PRKAG2: variants seen among roughly 807,000 people sequenced by gnomAD.
PRKAG2 encodes the protein protein kinase AMP-activated non-catalytic subunit gamma 2, also known as 5'-AMP-activated protein kinase subunit gamma-2.
Under a neutral mutation model 69.6 loss-of-function variants are expected in PRKAG2, and 26 were observed. The ratio of observed to expected loss-of-function variants is 0.37; its 90% CI spans 0.27 to 0.52. PRKAG2 has a LOEUF of 0.52. Among genes scored for constraint, PRKAG2 ranks in the 20% least tolerant of loss-of-function variants. The probability of loss-of-function intolerance (pLI) is 0.90; values close to 1 mark genes in which losing one functional copy is unlikely to be tolerated. For missense variants in PRKAG2, 557 were observed against 740.0 expected (o/e 0.75, Z 2.87); for synonymous variants, 293 against 285.0 (o/e 1.03, Z -0.28).
At chr7:151,601,221 G>T (rs1815999035) in intron 5 of PRKAG2, among the ~76,000 whole-genome samples, 1 of 152,188 alleles carries the variant, frequency 6.6e-6, no homozygotes, top group Non-Finnish European at 1.5e-5. Flanking sequence ...ACACAGGTGG[G>T]TCACCAACCC....
At chr7:151,871,055 G>T (rs2080209572) in intron 1 of PRKAG2, among the ~76,000 whole-genome samples, 1 of 152,158 alleles carries the variant, frequency 6.6e-6, no homozygotes. Flanking sequence ...CCATCTCTCT[G>T]ACGTCTTCCC....
In PRKAG2 at chr7:151,789,525, A is replaced by G. The variant is rs181095932; in HGVS notation, c.115-2984T>C. Reference sequence around the variant, plus strand: ...GCTCCAAGTCTCTGCTTAAAGAGCAACCCCTGAAAGGGTGAGCCTCATCAC... The same window carrying G: ...GCTCCAAGTCTCTGCTTAAAGAGCAGCCCCTGAAAGGGTGAGCCTCATCAC... On this transcript the variant is annotated intron_variant, in intron 1 of 15. Transcript: ENST00000287878. Among the ~76,000 whole-genome samples, 16 of 152,102 alleles carry G rather than the reference A, an allele frequency of 1.1e-4. No homozygotes were observed. The East Asian group carries it at 3.1e-3, about 29-fold the overall frequency.
At chr7:151,782,632 C>A (rs1047498744) in intron 2 of PRKAG2, among the ~76,000 whole-genome samples, 1 of 152,196 alleles carries the variant, frequency 6.6e-6, no homozygotes, top group Non-Finnish European at 1.5e-5. Context: ...TCCTGCCCTG[C>A]CTCTGGGTGC....
At chr7:151,642,351 AAAC>A (rs1185675065) in intron 4 of PRKAG2, among the ~76,000 whole-genome samples, 1 of 152,000 alleles carries the variant, frequency 6.6e-6, no homozygotes, top group Non-Finnish European at 1.5e-5. Context: ...TCAAACAAAC[AAAC>A]AACAAACAAA....
Position 151,560,664 on chromosome 7 carries a change from G to A in PRKAG2, c.1585-47C>T. ...ACGTGAAAATTAACATTTAAAAAAG[G>A]TTTAAAATGGACATGAGAAATAATG... is the stretch of plus-strand genomic sequence containing the variant. On this transcript the variant is annotated intron_variant, in intron 14 of 15. Coordinates refer to ENST00000287878, the MANE Select transcript of PRKAG2 (RefSeq NM_016203.4). 5.0e-6 allele frequency: 8 copies of A among 1,608,300 alleles called. 1 individual carries two copies. Among genetic ancestry groups the A allele is most frequent in the Non-Finnish European group, 6.8e-6 (8 of 1,175,008 alleles).
At chr7:151,705,603 C>T (rs1459793452) in intron 3 of PRKAG2, among the ~76,000 whole-genome samples, 6 of 152,182 alleles carry the variant, frequency 3.9e-5, no homozygotes, top group African/African-American at 1.4e-4. Flanking sequence ...GAGGTAAGCA[C>T]AGTTTTCCCA....
chr7:151,605,991 G>A (rs1040957064), intron 5 of PRKAG2, among the ~76,000 whole-genome samples: 1 of 150,978 alleles, frequency 6.6e-6, no homozygotes, highest in African/African-American at 2.4e-5. Context: ...AGGTTGCAGT[G>A]AGCTGAGATT....
chr7:151,847,817 C>T (rs922354317), intron 1 of PRKAG2, among the ~76,000 whole-genome samples: 7 of 152,206 alleles, frequency 4.6e-5, no homozygotes, highest in Non-Finnish European at 5.9e-5. Flanking sequence ...GTGAGGTTGG[C>T]GCCCGGAAGC....
At chr7:151,678,270 G>A (rs940263902) in intron 3 of PRKAG2, among the ~76,000 whole-genome samples, 3 of 152,230 alleles carry the variant, frequency 2.0e-5, no homozygotes, top group African/African-American at 4.8e-5. Context: ...TCTACCGTCT[G>A]TCTTGGGGAC....
chr7:151,869,251 T>C lies in PRKAG2; in HGVS notation c.114+7256A>G, dbSNP rs375800895. On this transcript the variant is annotated intron_variant, in intron 1 of 15. Coordinates refer to ENST00000287878, the MANE Select transcript of PRKAG2 (RefSeq NM_016203.4). ...ATTCAGTACTCGAGCTGGGAAATCA[T>C]GATCCAGGATTTAACTCTTTGCATT... Among the ~76,000 whole-genome samples, 277 of 152,364 alleles carry C rather than the reference T, an allele frequency of 1.8e-3. 2 individuals are homozygous for C. The highest frequency in any genetic ancestry group is 3.2e-3 in the African/African-American group (133 of 41,592).
intron 5 of PRKAG2, among the ~76,000 whole-genome samples, chr7:151,618,651 G>C (rs1378756941): frequency 2.0e-5 from 3 of 152,086 alleles, no homozygotes; most frequent in Non-Finnish European, 4.4e-5. Context: ...TGTAATCCCA[G>C]CTACTTGGGA....
At chr7:151,875,687 C>T (rs2080378123) in intron 1 of PRKAG2, among the ~76,000 whole-genome samples, 1 of 151,942 alleles carries the variant, frequency 6.6e-6, no homozygotes, top group Non-Finnish European at 1.5e-5. Context: ...CGCCCTACCC[C>T]GCTACGTGGA....
intron 3 of PRKAG2, among the ~76,000 whole-genome samples, chr7:151,739,003 C>T (rs1171449260): frequency 6.6e-6 from 1 of 152,198 alleles, no homozygotes; most frequent in Non-Finnish European, 1.5e-5. Flanking sequence ...AGCTCCCACC[C>T]CAGATCTGCC....
chr7:151,734,848 C>CTTTTTT (rs35008070), intron 3 of PRKAG2, among the ~76,000 whole-genome samples: 171 of 90,088 alleles, frequency 1.9e-3, no homozygotes, highest in African/African-American at 3.6e-3. Context: ...AAATCTGATT[C>CTTTTTT]TTTTTTTTTT....
chr7:151,658,640 T>C lies in PRKAG2; in HGVS notation c.684+16780A>G, dbSNP rs375296213. ...CAAATGTGCCTGATCTAATTCAGTA[T>C]TGGGGTGCGAACACACGCCGAAACA... On this transcript the variant is annotated intron_variant, in intron 4 of 15. Transcript: ENST00000287878. Among the ~76,000 whole-genome samples the C allele has an allele frequency of 2.0e-4, 30 of 152,334 alleles. No homozygotes were observed. The East Asian group carries it at 2.5e-3, about 13-fold the overall frequency.
At chr7:151,615,647 A>G (rs574250804) in intron 5 of PRKAG2, among the ~76,000 whole-genome samples, 19 of 152,310 alleles carry the variant, frequency 1.2e-4, no homozygotes, top group Admixed American at 5.2e-4. Context: ...ATGGGAGAAA[A>G]TATTTACAAA....
In PRKAG2 at chr7:151,715,322, CAAAAA is replaced by C. The variant is rs34971340; in HGVS notation, c.467-39690_467-39686del. On this transcript the variant is annotated intron_variant, in intron 3 of 15. Coordinates refer to ENST00000287878, the MANE Select transcript of PRKAG2 (RefSeq NM_016203.4). ...TGAGCCACTGCACCTGGCCTAAAAG[CAAAAA>C]AAAAAAAAAAAAAAAAAAAAATTAT... Among the ~76,000 whole-genome samples, 272 of 62,440 alleles carry C rather than the reference CAAAAA, an allele frequency of 4.4e-3. 1 individual carries two copies. The East Asian group carries it at 0.05, about 11-fold the overall frequency. 41.0% of individuals were successfully genotyped at this position (62,440 alleles called of 152,430 possible).
intron 3 of PRKAG2, among the ~76,000 whole-genome samples, chr7:151,687,775 G>A (rs1414877265): frequency 2.0e-5 from 3 of 152,212 alleles, no homozygotes; most frequent in Non-Finnish European, 2.9e-5. Context: ...GGTTTCTGAC[G>A]GTGACCTCAT....
chr7:151,602,137 T>G lies in PRKAG2; in HGVS notation c.755-6683A>C, dbSNP rs538236743. On this transcript the variant is annotated intron_variant, in intron 5 of 15. Transcript: ENST00000287878. Reference sequence around the variant, plus strand: ...TCCTCGCGCAGCCGCATGCGCAGTCTCCTCATGCCTACTGAGTGTGGAATT... The same window carrying G: ...TCCTCGCGCAGCCGCATGCGCAGTCGCCTCATGCCTACTGAGTGTGGAATT... 1.6e-4 allele frequency among the ~76,000 whole-genome samples: 25 copies of G among 152,374 alleles called. No individual in the cohort carries two copies. In the South Asian group the frequency reaches 5.0e-3, roughly 30 times the overall value.
Sources: allele counts gnomAD v4.1 joint callset (sites outside exome capture counted in the v4.1 genomes callset), GRCh38; gene constraint gnomAD v4.1.1; transcripts MANE v1.5; gene names NCBI Gene and HGNC (gene_info 2026-07-23, HGNC 2026-07-21).